The following DDX31 variants were observed in gnomAD, a reference collection of about 807,000 sequenced individuals.
DDX31 encodes DEAD-box helicase 31.
In DDX31, 70 loss-of-function variants were observed where a neutral mutation model predicts 91.3. That is an observed-to-expected ratio of 0.77 (90% confidence interval 0.63 to 0.94). The LOEUF is 0.94. Among genes scored for constraint, DDX31 ranks in the 40% least tolerant of loss-of-function variants. The pLI is 0.00. For synonymous variants in DDX31, 362 were observed against 350.6 expected, an observed-to-expected ratio of 1.03 and a Z score of -0.36; for missense variants, 902 against 925.0, an observed-to-expected ratio of 0.98 and a Z score of 0.32.
intron 7 of DDX31, among the ~76,000 whole-genome samples, chr9:132,651,482 T>A (rs1325298491): frequency 6.6e-6 from 1 of 152,116 alleles, no homozygotes; most frequent in Non-Finnish European, 1.5e-5. Flanking sequence ...AGAGAAAGAA[T>A]ATAATATGTA....
intron 19 of DDX31, among the ~76,000 whole-genome samples, chr9:132,609,388 G>A (rs968014631): frequency 6.6e-6 from 1 of 152,102 alleles, no homozygotes; most frequent in Non-Finnish European, 1.5e-5. Context: ...GGCAGGAGGC[G>A]GCAGGCTGCT....
chr9:132,631,616 C>CT (rs55868543), intron 15 of DDX31, among the ~76,000 whole-genome samples: 429 of 152,336 alleles, frequency 2.8e-3, no homozygotes, highest in Non-Finnish European at 3.9e-3. Flanking sequence ...GCGTCTAAGG[C>CT]TAGAGGTATG....
chr9:132,666,913 CTG>C (rs1342877493), intron 1 of DDX31, among the ~76,000 whole-genome samples: 7 of 152,090 alleles, frequency 4.6e-5, no homozygotes, highest in East Asian at 3.9e-4. Flanking sequence ...CGGGGTTTCA[CTG>C]TGTTAGCCAG....
chr9:132,631,068 C>T (rs752442917), intron 15 of DDX31, among the ~76,000 whole-genome samples: 22 of 152,232 alleles, frequency 1.4e-4, no homozygotes, highest in Admixed American at 5.9e-4. Context: ...GAGAAAAGAG[C>T]AGACTCTATC....
chr9:132,668,670 C>G (rs185583888), intron 1 of DDX31, among the ~76,000 whole-genome samples: 40 of 151,932 alleles, frequency 2.6e-4, no homozygotes, highest in Middle Eastern at 6.8e-3. Context: ...TGGGTTCACG[C>G]CATTCTCCTG....
Position 132,594,040 on chromosome 9 carries a change from G to C in DDX31, c.*826C>G, listed in dbSNP as rs368001464. The C allele has an allele frequency of 1.3e-5, 2 of 149,436 alleles. No individual in the cohort carries two copies. Among genetic ancestry groups the C allele is most frequent in the East Asian group, 2.0e-4 (1 of 5,042 alleles). 9.3% of individuals were successfully genotyped at this position (149,436 alleles called of 1,614,324 possible). A position where few individuals can be genotyped will look rare whatever the true frequency, so the allele number is the denominator to read the frequency against. On this transcript the variant is annotated 3_prime_UTR_variant, in exon 20 of 20. Transcript: ENST00000372159. ...GGGCAGGGCGGGGTGGGTCGGGGGCGGGGGGCGGGCAGCTGTGGCCTGGGT... is the reference window on the plus strand; with the variant it reads ...GGGCAGGGCGGGGTGGGTCGGGGGCCGGGGGCGGGCAGCTGTGGCCTGGGT...
Position 132,635,890 on chromosome 9 carries a change from G to A in DDX31, c.1441-3799C>T, listed in dbSNP as rs145847999. Among the ~76,000 whole-genome samples the A allele has an allele frequency of 5.9e-3, 889 of 151,958 alleles. 4 individuals are homozygous for A. Among genetic ancestry groups the A allele is most frequent in the African/African-American group, 0.02 (828 of 41,434 alleles). On this transcript the variant is annotated intron_variant, in intron 14 of 19. Coordinates refer to ENST00000372159, the MANE Select transcript of DDX31 (RefSeq NM_022779.9). Reference sequence around the variant, plus strand: ...ACCCGGGAGGTGGAGGGTGCAGTGAGCCAAGATTGCGCCGTTGCACTCCAG... The same window carrying A: ...ACCCGGGAGGTGGAGGGTGCAGTGAACCAAGATTGCGCCGTTGCACTCCAG...
intron 17 of DDX31, among the ~76,000 whole-genome samples, chr9:132,624,652 C>A (rs1479965232): frequency 1.3e-5 from 2 of 152,138 alleles, no homozygotes; most frequent in Admixed American, 6.5e-5. Context: ...TAAATTGGGG[C>A]CATCACCAAC....
At chr9:132,615,576 G>A (rs758003518) in intron 18 of DDX31, among the ~76,000 whole-genome samples, 1 of 151,812 alleles carries the variant, frequency 6.6e-6, no homozygotes, top group Non-Finnish European at 1.5e-5. Context: ...TCTAGACTTT[G>A]AGAAGCATCC....
At chr9:132,606,190 C>T (rs566401390) in intron 19 of DDX31, among the ~76,000 whole-genome samples, 2 of 152,314 alleles carry the variant, frequency 1.3e-5, no homozygotes, top group Admixed American at 1.3e-4. Flanking sequence ...GCCAATCTGT[C>T]TTTTTACAGA....
chr9:132,654,001 A>G (rs568904309), intron 6 of DDX31, among the ~76,000 whole-genome samples: 1 of 152,336 alleles, frequency 6.6e-6, no homozygotes, highest in African/African-American at 2.4e-5. Context: ...CAAAATTTAG[A>G]AAATAATATA....
chr9:132,607,591 T>C (rs1414337347), intron 19 of DDX31, among the ~76,000 whole-genome samples: 1 of 152,244 alleles, frequency 6.6e-6, no homozygotes, highest in East Asian at 1.9e-4. Context: ...GAGCACAGCA[T>C]ATAATTCACA....
chr9:132,615,602 A>T (rs1378279428), intron 18 of DDX31, among the ~76,000 whole-genome samples: 1 of 152,236 alleles, frequency 6.6e-6, no homozygotes, highest in African/African-American at 2.4e-5. Context: ...AAACAGGCAT[A>T]AATCCTACAT....
chr9:132,607,892 C>G (rs1358805833), intron 19 of DDX31, among the ~76,000 whole-genome samples: 1 of 152,080 alleles, frequency 6.6e-6, no homozygotes, highest in South Asian at 2.1e-4. Context: ...AGAGTGGCAG[C>G]GAAATGAGAG....
chr9:132,662,018 C>T (rs1834987070), intron 3 of DDX31, among the ~76,000 whole-genome samples: 1 of 151,968 alleles, frequency 6.6e-6, no homozygotes, highest in Non-Finnish European at 1.5e-5. Context: ...TAAAAAAACA[C>T]ACACACAAAA....
chr9:132,609,629 TTTTCTTC>T (rs991449247), intron 19 of DDX31, among the ~76,000 whole-genome samples: 9 of 152,186 alleles, frequency 5.9e-5, no homozygotes, highest in Admixed American at 5.2e-4. Flanking sequence ...TTTCTTTTTT[TTTTCTTC>T]TTTGAGACAG....
In DDX31 at chr9:132,595,877, T is replaced by C. The variant is rs11243837; in HGVS notation, c.1995-765A>G. Among the ~76,000 whole-genome samples, 450 of 152,344 alleles carry C rather than the reference T, an allele frequency of 3.0e-3. 3 individuals are homozygous for C. The highest frequency in any genetic ancestry group is 3.9e-3 in the Non-Finnish European group (264 of 68,034). ...AATCCTGATAACTGTTCTGAAAAGA[T>C]GGCAATTTTACCATTTGATCGGAAG... On this transcript the variant is annotated intron_variant, in intron 19 of 19. Transcript: ENST00000372159. This position sits in a 1 kb window ranked among gnomAD's most constrained non-coding sequence, Gnocchi z 4.6.
At position 132,607,262 on chromosome 9, in the gene DDX31, G is replaced by C. The variant is rs1300414809; in HGVS notation, c.1994+4825C>G. On this transcript the variant is annotated intron_variant, in intron 19 of 19. Coordinates refer to ENST00000372159, the MANE Select transcript of DDX31 (RefSeq NM_022779.9). The stretch of plus-strand genomic sequence containing the variant: ...CATGCCCAGATCTACTAGGTACTAA[G>C]GGGTAAGAGAGCCCCAGCTTAGACT... Among the ~76,000 whole-genome samples, 4 of 152,196 alleles carry C rather than the reference G, an allele frequency of 2.6e-5. No individual in the cohort carries two copies. The East Asian group carries it at 7.7e-4, about 29-fold the overall frequency.
At chr9:132,654,591 C>T (rs1299699182) in intron 6 of DDX31, among the ~76,000 whole-genome samples, 2 of 151,840 alleles carry the variant, frequency 1.3e-5, no homozygotes, top group South Asian at 2.1e-4. Flanking sequence ...CCAGCCTGGG[C>T]GACAGAGCGA....
Sources: allele counts gnomAD v4.1 joint callset (sites outside exome capture counted in the v4.1 genomes callset), GRCh38; gene constraint gnomAD v4.1.1; non-coding constraint Gnocchi (gnomAD v3.1); transcripts MANE v1.5; gene names NCBI Gene and HGNC (gene_info 2026-07-23, HGNC 2026-07-21).